CACNA1B: variants seen among roughly 807,000 people sequenced by gnomAD.
The protein encoded by CACNA1B is voltage-dependent N-type calcium channel subunit alpha-1B.
Under a neutral mutation model 247.2 loss-of-function variants are expected in CACNA1B, and 70 were observed. The ratio of observed to expected loss-of-function variants is 0.28; its 90% CI spans 0.23 to 0.35. CACNA1B has a LOEUF of 0.35. CACNA1B is among the 10% of genes least tolerant of loss of function. The pLI is 1.00. For missense variants in CACNA1B, 2,367 were observed against 3,197.4 expected, an observed-to-expected ratio of 0.74 and a Z score of 6.26; for synonymous variants, 1,231 against 1,294.4, an observed-to-expected ratio of 0.95 and a Z score of 1.05.
rs1476859319 is a variant in CACNA1B, at chr9:138,123,552, TGTG to T, written c.*1554_*1556del. On this transcript the variant is annotated 3_prime_UTR_variant, in exon 47 of 47. Coordinates refer to ENST00000371372, the MANE Select transcript of CACNA1B (RefSeq NM_000718.4). Reference sequence around the variant, plus strand: ...ACCCCATGATTCTCCTCAAAGAAATTGTGTGTGATGTGTGTGTGTGTGTGTGTG... The same window carrying T: ...ACCCCATGATTCTCCTCAAAGAAATTTGTGATGTGTGTGTGTGTGTGTGTG... 1.2e-5 allele frequency: 1 copy of T among 84,956 alleles called. No homozygotes were observed. The highest frequency in any genetic ancestry group is 4.1e-4 in the East Asian group (1 of 2,444). 5.3% of individuals were successfully genotyped at this position (84,956 alleles called of 1,614,324 possible).
chr9:137,911,943 G>A (rs183927523), intron 3 of CACNA1B, among the ~76,000 whole-genome samples: 1 of 152,190 alleles, frequency 6.6e-6, no homozygotes, highest in African/African-American at 2.4e-5. Flanking sequence ...GGTGCGATCC[G>A]CTGAGGGGAA....
At chr9:137,949,919 C>A (rs1957860082) in intron 6 of CACNA1B, among the ~76,000 whole-genome samples, 1 of 152,166 alleles carries the variant, frequency 6.6e-6, no homozygotes, top group Non-Finnish European at 1.5e-5. Context: ...TAAGTTGACA[C>A]AACATTAACC....
At chr9:137,949,549 A>G (rs971789795) in intron 6 of CACNA1B, among the ~76,000 whole-genome samples, 2 of 151,494 alleles carry the variant, frequency 1.3e-5, no homozygotes, top group African/African-American at 4.9e-5. Flanking sequence ...GTGTGTGTGG[A>G]GAGGGAGATT....
chr9:138,082,735 G>A (rs1960564454), intron 36 of CACNA1B, among the ~76,000 whole-genome samples: 1 of 151,178 alleles, frequency 6.6e-6, no homozygotes, highest in South Asian at 2.1e-4. Context: ...GAGAGGTAAC[G>A]TCAGCAAGAT....
At chr9:137,956,870 G>T in intron 9 of CACNA1B, 43 bp downstream of exon 9, 8 of 1,552,140 alleles carry the variant, frequency 5.2e-6, no homozygotes, top group South Asian at 1.1e-5. Context: ...GGAGTGCTCT[G>T]GTGGCCACGT....
chr9:137,983,920 G>T (rs570257142), intron 12 of CACNA1B, among the ~76,000 whole-genome samples: 1 of 151,218 alleles, frequency 6.6e-6, no homozygotes, highest in South Asian at 2.1e-4. Flanking sequence ...AGGGAGGGCA[G>T]GTACCAGGAC....
intron 6 of CACNA1B, among the ~76,000 whole-genome samples, chr9:137,924,904 C>T (rs1317586922): frequency 2.0e-5 from 3 of 152,212 alleles, no homozygotes; most frequent in Non-Finnish European, 4.4e-5. Context: ...TGACAGTGTA[C>T]CCTTCATGGG....
At chr9:138,000,700 G>A (rs1958566446) in intron 15 of CACNA1B, among the ~76,000 whole-genome samples, 1 of 152,302 alleles carries the variant, frequency 6.6e-6, no homozygotes, top group African/African-American at 2.4e-5. Context: ...ATGCAGACCA[G>A]AACGCAAGCT....
Position 138,120,283 on chromosome 9 carries a change from AC to A in CACNA1B, c.6151del (p.His2051ThrfsTer118). The A allele has an allele frequency of 6.4e-7, 1 of 1,564,022 alleles. No homozygotes were observed. Among genetic ancestry groups the A allele is most frequent in the Non-Finnish European group, 8.6e-7 (1 of 1,156,494 alleles). ...DRPPPSQASS[H>X]HHHHRCHRRR... Reference sequence around the variant, plus strand: ...CCACCCCCTAGCCAGGCGTCGTCGCACCACCACCACCACCGCTGCCACCGCC... The same window carrying A: ...CCACCCCCTAGCCAGGCGTCGTCGCACACCACCACCACCGCTGCCACCGCC... On this transcript the variant is annotated frameshift_variant, in exon 45 of 47. Coordinates refer to ENST00000371372, the MANE Select transcript of CACNA1B (RefSeq NM_000718.4). LOFTEE classifies it high-confidence loss of function.
intron 43 of CACNA1B, 45 bp from the exon 44 acceptor site, chr9:138,118,607 C>G (rs199911758): frequency 1.0e-6 from 1 of 962,212 alleles, no homozygotes; most frequent in Admixed American, 2.2e-5. Flanking sequence ...CAGATGAGTC[C>G]GCGGTGCCTT....
At chr9:138,079,040 C>T (rs971139776) in intron 36 of CACNA1B, among the ~76,000 whole-genome samples, 1 of 152,108 alleles carries the variant, frequency 6.6e-6, no homozygotes, top group African/African-American at 2.4e-5. Flanking sequence ...TCGGTGTGTT[C>T]GTGGGGCTGC....
At chr9:137,885,915 G>A (rs530438622) in intron 3 of CACNA1B, among the ~76,000 whole-genome samples, 1 of 150,138 alleles carries the variant, frequency 6.7e-6, no homozygotes, top group Admixed American at 6.6e-5. Context: ...CTGCTCTTGT[G>A]TGTGCCCAGG....
At position 138,023,029 on chromosome 9, in the gene CACNA1B, C is replaced by G. The variant is rs745993109; in HGVS notation, c.2286C>G (p.Ala762=). 35 of 1,518,158 alleles carry G rather than the reference C, an allele frequency of 2.3e-5. No homozygotes were observed. Among genetic ancestry groups the G allele is most frequent in the Admixed American group, 1.8e-4 (9 of 49,850 alleles). 94.0% of individuals were successfully genotyped at this position (1,518,158 alleles called of 1,614,324 possible). The change falls in exon 19 of 47, where the codon GCC becomes GCG. Residue 762 remains alanine (A), a synonymous_variant. Coordinates refer to ENST00000371372, the MANE Select transcript of CACNA1B (RefSeq NM_000718.4). ...CCCGCAGCAGGCAGCAGAACTCGGCCAAGGCGCGCTCGGTGTGGGAGCAGC... is the reference window on the plus strand; with the variant it reads ...CCCGCAGCAGGCAGCAGAACTCGGCGAAGGCGCGCTCGGTGTGGGAGCAGC... ...ISIAARQQNS[A]KARSVWEQRA...
At chr9:137,935,711 T>G (rs1957658110) in intron 6 of CACNA1B, among the ~76,000 whole-genome samples, 2 of 152,192 alleles carry the variant, frequency 1.3e-5, no homozygotes, top group African/African-American at 4.8e-5. Context: ...TAGTTTACAC[T>G]CCCAACAACA....
Position 137,952,199 on chromosome 9 carries a change from G to A in CACNA1B, c.967-75G>A. The A allele has an allele frequency of 1.7e-6, 2 of 1,180,848 alleles. No homozygotes were observed. Among genetic ancestry groups the A allele is most frequent in the Non-Finnish European group, 2.5e-6 (2 of 792,380 alleles). 73.1% of individuals were successfully genotyped at this position (1,180,848 alleles called of 1,614,324 possible). ...GTGCTTCTGAGAAGGAGGCCTGTTG[G>A]GGGCTGGGGGTGCTCCTGTGGCCGG... On this transcript the variant is annotated intron_variant, in intron 6 of 46. Transcript: ENST00000371372. This position sits in a 1 kb window ranked among gnomAD's most constrained non-coding sequence, Gnocchi z 4.8.
chr9:138,112,364 T>A, intron 39 of CACNA1B, 34 bp from the exon 40 acceptor site: 18 of 1,520,252 alleles, frequency 1.2e-5, no homozygotes, highest in Non-Finnish European at 1.6e-5. Context: ...AACATCTCTG[T>A]CTTTTCCCCT....
Position 138,003,096 on chromosome 9 carries a change from C to A in CACNA1B, c.1975-3671C>A, listed in dbSNP as rs78227034. Among the ~76,000 whole-genome samples, 288 of 150,826 alleles carry A rather than the reference C, an allele frequency of 1.9e-3. 2 individuals carry two copies. Among genetic ancestry groups the A allele is most frequent in the African/African-American group, 6.7e-3 (277 of 41,190 alleles). On this transcript the variant is annotated intron_variant, in intron 15 of 46. Coordinates refer to ENST00000371372, the MANE Select transcript of CACNA1B (RefSeq NM_000718.4). ...CAAACGTGAGCCACTGTGCCTGGCC[C>A]AAATTTCTTTTTTTTAATGGAGATG...
intron 44 of CACNA1B, among the ~76,000 whole-genome samples, chr9:138,119,467 C>T (rs1388269815): frequency 6.6e-6 from 1 of 152,186 alleles, no homozygotes; most frequent in Admixed American, 6.5e-5. Flanking sequence ...TGACCGGAGC[C>T]CCCGTGCCAG....
rs1015250645 is a variant in CACNA1B at position 138,050,248 on chromosome 9, T to C, written c.3710+933T>C. Among the ~76,000 whole-genome samples, 2 of 152,146 alleles carry C rather than the reference T, an allele frequency of 1.3e-5. No homozygotes were observed. The highest frequency in any genetic ancestry group is 1.3e-4 in the Admixed American group (2 of 15,276). ...AGTCCCCGGCCAGGGGTTCCTGCCA[T>C]GCCTCTGGGAGCGGGGCGGGGAGCT... is the stretch of plus-strand genomic sequence containing the variant. On this transcript the variant is annotated intron_variant, in intron 24 of 46. Coordinates refer to ENST00000371372, the MANE Select transcript of CACNA1B (RefSeq NM_000718.4). This position sits in a 1 kb window ranked among gnomAD's most constrained non-coding sequence, Gnocchi z 5.2.
Sources: gnomAD v4.1 joint callset for allele counts (sites outside exome capture counted in the v4.1 genomes callset) on GRCh38, gnomAD v4.1.1 for gene constraint, Gnocchi (gnomAD v3.1) non-coding constraint, MANE v1.5 for transcripts, NCBI Gene and HGNC (gene_info 2026-07-23, HGNC 2026-07-21) for gene names.